WDR17: variants seen among roughly 807,000 people sequenced by gnomAD.
The protein encoded by WDR17 is WD repeat-containing protein 17.
WDR17 carries 143 observed loss-of-function variants against 161.7 expected under a neutral mutation model. The observed-to-expected ratio is 0.88, with a 90% CI of 0.77 to 1.02. The LOEUF (loss-of-function observed/expected upper bound fraction) is 1.02, where lower values mean the gene tolerates loss of function less well. Ranked by LOEUF, WDR17 falls within the 50% of genes least tolerant of loss-of-function variation. The pLI is 0.00. For missense variants in WDR17, 1,469 were observed against 1,520.9 expected (o/e 0.97, Z 0.57); for synonymous variants, 517 against 515.6 (o/e 1.00, Z -0.04).
intron 8 of WDR17, among the ~76,000 whole-genome samples, chr4:176,136,151 G>A (rs1363166083): frequency 6.6e-6 from 1 of 151,520 alleles, no homozygotes; most frequent in African/African-American, 2.4e-5. Context: ...ATACGAAAAA[G>A]GTTAAGGACC....
In WDR17 at chr4:176,138,608, G is replaced by A. The variant is rs186055703; in HGVS notation, c.1359+997G>A. ...ACAATTTATTCCATAATAAATAGTGGATTATAAGAAGAGATGAGCCTAAAA... is the reference window on the plus strand; with the variant it reads ...ACAATTTATTCCATAATAAATAGTGAATTATAAGAAGAGATGAGCCTAAAA... On this transcript the variant is annotated intron_variant, in intron 9 of 28. Coordinates refer to ENST00000508596, the MANE Select transcript of WDR17 (RefSeq NM_181265.4). Among the ~76,000 whole-genome samples the A allele has an allele frequency of 2.6e-5, 4 of 151,784 alleles. 1 individual carries two copies. The highest frequency in any genetic ancestry group is 9.6e-5 in the African/African-American group (4 of 41,474).
chr4:176,160,828 T>C, intron 19 of WDR17, 83 bp from the exon 20 acceptor site: 1 of 1,111,708 alleles, frequency 9.0e-7, no homozygotes, highest in Non-Finnish European at 1.3e-6. Flanking sequence ...TATTTAAGTA[T>C]ACTTTGCTCA....
chr4:176,140,687 A>G (rs1024266577), intron 10 of WDR17, among the ~76,000 whole-genome samples: 1 of 147,450 alleles, frequency 6.8e-6, no homozygotes, highest in Admixed American at 6.7e-5. Context: ...AGAAGTTGTT[A>G]GGTTTTGCTA....
At chr4:176,135,919 C>T (rs1744321002) in intron 8 of WDR17, among the ~76,000 whole-genome samples, 1 of 151,538 alleles carries the variant, frequency 6.6e-6, no homozygotes, top group Non-Finnish European at 1.5e-5. Context: ...TATATTAATT[C>T]AATAACTACA....
intron 3 of WDR17, among the ~76,000 whole-genome samples, chr4:176,117,429 T>G (rs1360246709): frequency 6.6e-6 from 1 of 152,050 alleles, no homozygotes; most frequent in African/African-American, 2.4e-5. Context: ...AACTAAAATG[T>G]TGCACGATAT....
chr4:176,125,403 T>TAAATTTAAATTCCTAAA (rs2126736946), intron 5 of WDR17, 48 bp downstream of exon 5: 2 of 1,566,172 alleles, frequency 1.3e-6, no homozygotes, highest in East Asian at 4.5e-5. Context: ...GTATATATTC[T>TAAATTTAAATTCCTAAA]TTCGTTGAAT....
intron 1 of WDR17, among the ~76,000 whole-genome samples, chr4:176,067,524 CTG>C (rs1365634044): frequency 2.0e-5 from 3 of 152,340 alleles, no homozygotes; most frequent in Admixed American, 6.5e-5. Context: ...GCTTAAAAAA[CTG>C]TGGACATCTG....
intron 18 of WDR17, among the ~76,000 whole-genome samples, chr4:176,156,821 A>T (rs1369404084): frequency 2.6e-5 from 4 of 152,112 alleles, no homozygotes; most frequent in African/African-American, 9.7e-5. Context: ...AATTAGTTCC[A>T]TGCTTCTCTC....
At chr4:176,129,017 A>G (rs1429406450) in intron 6 of WDR17, among the ~76,000 whole-genome samples, 157 bp downstream of exon 6, 1 of 152,170 alleles carries the variant, frequency 6.6e-6, no homozygotes, top group Non-Finnish European at 1.5e-5. Context: ...CATCAAAGCT[A>G]CACAAGATCT....
intron 22 of WDR17, among the ~76,000 whole-genome samples, chr4:176,166,737 T>C (rs1001031298): frequency 1.3e-5 from 2 of 152,164 alleles, no homozygotes; most frequent in African/African-American, 4.8e-5. Flanking sequence ...CTATGAAATT[T>C]TGATAAGAGG....
In WDR17 at chr4:176,168,778, G is replaced by A. The variant is rs139095776; in HGVS notation, c.3097G>A (p.Asp1033Asn). 973 of 1,610,714 alleles carry A rather than the reference G, an allele frequency of 6.0e-4. No individual in the cohort carries two copies. Among genetic ancestry groups the A allele is most frequent in the Non-Finnish European group, 7.7e-4 (903 of 1,178,756 alleles). The change falls in exon 23 of 29, where the codon GAT becomes AAT. Residue 1033 changes from aspartate to asparagine, a missense_variant. Transcript: ENST00000508596. ...TACTGAAGAGATAAATGACCTTCAT[G>A]ATAAGGTATGCTGATGATGTTAAAT... ...GCTEEINDLH[D>N]KCKLPTVEEC... is the part of the protein sequence containing the mutation.
chr4:176,172,388 C>T lies in WDR17; in HGVS notation c.3116C>T (p.Thr1039Ile). 2 of 1,607,048 alleles carry T rather than the reference C, an allele frequency of 1.2e-6. No homozygotes were observed. The highest frequency in any genetic ancestry group is 1.7e-6 in the Non-Finnish European group (2 of 1,178,438). ...ATTATTTTCTAGTGTAAGCTACCCA[C>T]AGTGGAAGAATGTATGCAGTTAGCT... ...NDLHDKCKLP[T>I]VEECMQLAET... Residue 1039 changes from threonine to isoleucine, a missense_variant, in exon 24 of 29, where the codon ACA becomes ATA. Thr to Ile is a moderately conservative substitution (Grantham distance 89). Transcript: ENST00000508596.
rs551969482 is a variant in WDR17, at chr4:176,078,439, G to C, written c.-7+12360G>C. On this transcript the variant is annotated intron_variant, in intron 1 of 28. Transcript: ENST00000508596. ...ATTGCACAAAGAAGGGAATGGAGGT[G>C]GTGGGGAGGCAAACAACAAATCTTC... 2.0e-4 allele frequency among the ~76,000 whole-genome samples: 30 copies of C among 152,158 alleles called. No homozygotes were observed. In the South Asian group the frequency reaches 3.3e-3, roughly 17 times the overall value.
intron 1 of WDR17, among the ~76,000 whole-genome samples, chr4:176,073,502 C>G (rs1450456620): frequency 3.3e-5 from 5 of 151,666 alleles, no homozygotes; most frequent in Admixed American, 1.3e-4. Context: ...TCCAGTCTAT[C>G]ATTGTTGGAC....
rs113370958 is a variant in WDR17 at position 176,155,716 on chromosome 4, A to AATATATATATATATATAT, written c.2461-360_2461-343dup. Reference sequence around the variant, plus strand: ...TGCACCACCACATCTGACTAATTAAAATATATATATATATATATATGTTTT... The same window carrying AATATATATATATATATAT: ...TGCACCACCACATCTGACTAATTAAAATATATATATATATATATATATATATATATATATATATGTTTT... On this transcript the variant is annotated intron_variant, in intron 17 of 28. Coordinates refer to ENST00000508596, the MANE Select transcript of WDR17 (RefSeq NM_181265.4). 6.3e-3 allele frequency among the ~76,000 whole-genome samples: 820 copies of AATATATATATATATATAT among 130,178 alleles called. 10 individuals carry two copies. The highest frequency in any genetic ancestry group is 0.016 in the African/African-American group (537 of 33,580). The allele number at this position is 130,178 out of a possible 152,430, so 85.4% of individuals were successfully genotyped here.
chr4:176,095,690 T>A (rs1428839656), intron 1 of WDR17, among the ~76,000 whole-genome samples: 1 of 152,080 alleles, frequency 6.6e-6, no homozygotes, highest in Non-Finnish European at 1.5e-5. Context: ...CCTTCCTTCT[T>A]TCCTCGCTTC....
At chr4:176,069,616 T>G (rs1285683316) in intron 1 of WDR17, among the ~76,000 whole-genome samples, 1 of 152,198 alleles carries the variant, frequency 6.6e-6, no homozygotes, top group East Asian at 1.9e-4. Context: ...TTTCTTATGC[T>G]TAGGTTTATT....
intron 1 of WDR17, among the ~76,000 whole-genome samples, chr4:176,092,981 G>T (rs572112867): frequency 4.0e-4 from 61 of 152,294 alleles, no homozygotes; most frequent in Non-Finnish European, 6.2e-4. Context: ...GGCGGAGGTT[G>T]CAGTGAGCCC....
At chr4:176,178,418 C>A (rs578047201) in intron 28 of WDR17, among the ~76,000 whole-genome samples, 1 of 152,172 alleles carries the variant, frequency 6.6e-6, no homozygotes, top group South Asian at 2.1e-4. Flanking sequence ...CCTTTGTATA[C>A]CATTTCTAGT....
Sources: gnomAD v4.1 joint callset for allele counts (sites outside exome capture counted in the v4.1 genomes callset) on GRCh38, gnomAD v4.1.1 for gene constraint, MANE v1.5 for transcripts, NCBI Gene and HGNC (gene_info 2026-07-23, HGNC 2026-07-21) for gene names.